The following TMEM45A variants were observed in gnomAD, a reference collection of about 807,000 sequenced individuals.
TMEM45A encodes transmembrane protein 45A, also known as DNA polymerase-transactivated protein 4.
TMEM45A carries 25 observed loss-of-function variants against 32.0 expected under a neutral mutation model. That is an observed-to-expected ratio of 0.78 (90% CI 0.57 to 1.09). The LOEUF is 1.09. Ranked by LOEUF, TMEM45A falls within the 50% of genes least tolerant of loss-of-function variation. The probability of loss-of-function intolerance (pLI) is 0.00; values close to 1 mark genes in which losing one functional copy is unlikely to be tolerated. For missense variants in TMEM45A, 302 were observed against 325.0 expected (o/e 0.93, Z 0.54); for synonymous variants, 122 against 114.8 (o/e 1.06, Z -0.40).
chr3:100,522,650 G>C (rs1245575028), intron 1 of TMEM45A, among the ~76,000 whole-genome samples: 1 of 152,128 alleles, frequency 6.6e-6, no homozygotes, highest in African/African-American at 2.4e-5. Context: ...GTAGGCCATC[G>C]GGGTCTGGCT....
chr3:100,544,204 A>C (rs1705941141), intron 1 of TMEM45A, among the ~76,000 whole-genome samples: 1 of 152,138 alleles, frequency 6.6e-6, no homozygotes, highest in African/African-American at 2.4e-5. Flanking sequence ...AGTCTTCAGG[A>C]ATAAGCCTCT....
chr3:100,540,135 GT>G (rs1705837690), intron 1 of TMEM45A, among the ~76,000 whole-genome samples: 1 of 151,898 alleles, frequency 6.6e-6, no homozygotes, highest in African/African-American at 2.4e-5. Flanking sequence ...TAAAACTTCT[GT>G]TTTTTCATTC....
chr3:100,493,820 C>T lies in TMEM45A; in HGVS notation c.-4+892C>T, dbSNP rs59639469. Among the ~76,000 whole-genome samples the T allele has an allele frequency of 8.6e-3, 1,311 of 152,222 alleles. 23 individuals carry two copies. The highest frequency in any genetic ancestry group is 0.03 in the African/African-American group (1,248 of 41,518). On this transcript the variant is annotated intron_variant, in intron 1 of 5. Coordinates refer to ENST00000323523, the MANE Select transcript of TMEM45A (RefSeq NM_018004.3). ...GATCTCGGCTTACTGGAACCTCTGC[C>T]TCCCGGGTTCAAGTGATTCTCCTGA...
intron 1 of TMEM45A, among the ~76,000 whole-genome samples, chr3:100,525,950 C>T (rs1463836738): frequency 6.6e-6 from 1 of 152,166 alleles, no homozygotes; most frequent in African/African-American, 2.4e-5. Flanking sequence ...CTGGTCTGTT[C>T]TTCCTTCATG....
chr3:100,540,458 C>T (rs1210571553), intron 1 of TMEM45A, among the ~76,000 whole-genome samples: 1 of 152,144 alleles, frequency 6.6e-6, no homozygotes, highest in Non-Finnish European at 1.5e-5. Context: ...CATATGTCAT[C>T]AGGGAATTGC....
intron 1 of TMEM45A, among the ~76,000 whole-genome samples, chr3:100,548,776 C>T (rs747591385): frequency 5.3e-5 from 8 of 152,288 alleles, no homozygotes; most frequent in Non-Finnish European, 8.8e-5. Flanking sequence ...GCCTCAAGCG[C>T]CTGAAGTGTC....
intron 1 of TMEM45A, among the ~76,000 whole-genome samples, chr3:100,517,098 G>A (rs1019269557): frequency 4.1e-5 from 6 of 145,878 alleles, no homozygotes; most frequent in Admixed American, 6.9e-5. Context: ...ATTGCCAGAC[G>A]TGGGAATGAA....
At chr3:100,505,653 TTC>T (rs1283564335) in intron 1 of TMEM45A, among the ~76,000 whole-genome samples, 1 of 152,158 alleles carries the variant, frequency 6.6e-6, no homozygotes, top group East Asian at 1.9e-4. Context: ...TTTAAAGAAG[TTC>T]TGTTTCTGCC....
At chr3:100,498,473 T>C (rs537904466) in intron 1 of TMEM45A, among the ~76,000 whole-genome samples, 1 of 152,204 alleles carries the variant, frequency 6.6e-6, no homozygotes, top group African/African-American at 2.4e-5. Flanking sequence ...ACAGCAAGTC[T>C]TCCTTGCACC....
chr3:100,553,793 A>G (rs1706156765), intron 1 of TMEM45A, among the ~76,000 whole-genome samples: 11 of 152,312 alleles, frequency 7.2e-5, no homozygotes, highest in South Asian at 2.1e-4. Context: ...GCACTATGTG[A>G]TATATTGAGT....
intron 1 of TMEM45A, among the ~76,000 whole-genome samples, chr3:100,508,154 A>G (rs1173317600): frequency 2.0e-5 from 3 of 152,018 alleles, no homozygotes; most frequent in Admixed American, 6.6e-5. Context: ...GACTACTGCA[A>G]TCCTAGCTAC....
intron 1 of TMEM45A, among the ~76,000 whole-genome samples, chr3:100,521,337 C>A (rs1392896952): frequency 6.6e-6 from 1 of 151,994 alleles, no homozygotes; most frequent in African/African-American, 2.4e-5. Context: ...TCACCGCAAC[C>A]TCTGCCTCCT....
At chr3:100,507,575 T>C (rs1449517100) in intron 1 of TMEM45A, among the ~76,000 whole-genome samples, 1 of 152,102 alleles carries the variant, frequency 6.6e-6, no homozygotes, top group African/African-American at 2.4e-5. Context: ...CAATAAATGT[T>C]CTTGGAGCTC....
chr3:100,518,123 AG>A (rs1452741104), intron 1 of TMEM45A, among the ~76,000 whole-genome samples: 1 of 152,238 alleles, frequency 6.6e-6, no homozygotes, highest in Non-Finnish European at 1.5e-5. Context: ...GAAAGAAAAA[AG>A]GAAGCCATTC....
chr3:100,508,970 G>A (rs552857816), intron 1 of TMEM45A, among the ~76,000 whole-genome samples: 2 of 152,112 alleles, frequency 1.3e-5, no homozygotes, highest in Non-Finnish European at 2.9e-5. Context: ...AGACAAGTGG[G>A]GTTATATTAA....
intron 1 of TMEM45A, among the ~76,000 whole-genome samples, chr3:100,541,938 T>G (rs1009085453): frequency 6.6e-6 from 1 of 150,934 alleles, no homozygotes. Context: ...TTTTGTTGAC[T>G]TTGTCAAAGA....
intron 1 of TMEM45A, among the ~76,000 whole-genome samples, chr3:100,517,551 G>A (rs916078882): frequency 1.3e-5 from 2 of 152,222 alleles, no homozygotes; most frequent in African/African-American, 2.4e-5. Context: ...AACAAATGAC[G>A]TTTAGAAATA....
rs148788749 is a variant in TMEM45A, at chr3:100,525,233, A to T, written c.-3-29976A>T. On this transcript the variant is annotated intron_variant, in intron 1 of 5. Transcript: ENST00000323523. ...AAAAAAATGGAATGCCAACTATCTCATTAATAATTTTTTTCTATTGAGCAC... is the reference window on the plus strand; with the variant it reads ...AAAAAAATGGAATGCCAACTATCTCTTTAATAATTTTTTTCTATTGAGCAC... 2.4e-3 allele frequency among the ~76,000 whole-genome samples: 367 copies of T among 152,306 alleles called. 2 individuals carry two copies. Among genetic ancestry groups the T allele is most frequent in the African/African-American group, 8.7e-3 (360 of 41,576 alleles).
intron 1 of TMEM45A, among the ~76,000 whole-genome samples, chr3:100,540,086 A>G (rs917681380): frequency 2.0e-5 from 3 of 152,234 alleles, no homozygotes; most frequent in South Asian, 2.1e-4. Flanking sequence ...AGGACAATCC[A>G]TGAAAGAAAA....
Sources: gnomAD v4.1 joint callset for allele counts (sites outside exome capture counted in the v4.1 genomes callset) on GRCh38, gnomAD v4.1.1 for gene constraint, MANE v1.5 for transcripts, NCBI Gene and HGNC (gene_info 2026-07-23, HGNC 2026-07-21) for gene names.